Variants in SH3TC2 observed in about 807,000 individuals in gnomAD.
The protein encoded by SH3TC2 is SH3 domain and tetratricopeptide repeat-containing protein 2.
In SH3TC2, 87 loss-of-function variants were observed where a neutral mutation model predicts 124.5. The ratio of observed to expected loss-of-function variants is 0.70; its 90% confidence interval spans 0.59 to 0.84. The LOEUF is 0.84. Ranked by LOEUF, SH3TC2 falls within the 40% of genes least tolerant of loss-of-function variation. The probability of loss-of-function intolerance (pLI) is 0.00; values close to 1 mark genes in which losing one functional copy is unlikely to be tolerated. For missense variants in SH3TC2, 1,536 were observed against 1,566.4 expected, an observed-to-expected ratio of 0.98 and a Z score of 0.33; for synonymous variants, 634 against 628.5, an observed-to-expected ratio of 1.01 and a Z score of -0.13.
At chr5:149,033,040 T>C (rs1406735253) in intron 8 of SH3TC2, among the ~76,000 whole-genome samples, 1 of 152,224 alleles carries the variant, frequency 6.6e-6, no homozygotes, top group Non-Finnish European at 1.5e-5. Context: ...CATTTACTGT[T>C]TATAACAACT....
intron 12 of SH3TC2, among the ~76,000 whole-genome samples, chr5:149,014,571 T>G (rs912871285): frequency 1.3e-5 from 2 of 152,186 alleles, no homozygotes; most frequent in Non-Finnish European, 2.9e-5. Flanking sequence ...TTGGCCCTTG[T>G]AAGAAAGAAA....
chr5:149,029,544 G>T (rs867362894), intron 9 of SH3TC2, among the ~76,000 whole-genome samples: 29 of 152,096 alleles, frequency 1.9e-4, no homozygotes, highest in South Asian at 6.2e-4. Context: ...TGAGGCATCT[G>T]GGGGAAAAGA....
chr5:149,023,965 T>C lies in SH3TC2; in HGVS notation c.3053+2607A>G, dbSNP rs956986506. Among the ~76,000 whole-genome samples, 2 of 152,192 alleles carry C rather than the reference T, an allele frequency of 1.3e-5. 1 individual carries two copies. Among genetic ancestry groups the C allele is most frequent in the Non-Finnish European group, 2.9e-5 (2 of 68,020 alleles). The stretch of plus-strand genomic sequence containing the variant: ...ACTTCACTATATGTAATTTGGTTCT[T>C]TATCAGAGGAGAATCCTTAAGAAAA... On this transcript the variant is annotated intron_variant, in intron 12 of 16. Coordinates refer to ENST00000515425, the MANE Select transcript of SH3TC2 (RefSeq NM_024577.4).
Position 148,993,180 on chromosome 5 carries a change from A to C in SH3TC2, c.*11531T>G, listed in dbSNP as rs1300151842. Among the ~76,000 whole-genome samples, 2 of 152,218 alleles carry C rather than the reference A, an allele frequency of 1.3e-5. No homozygotes were observed. Among genetic ancestry groups the C allele is most frequent in the Non-Finnish European group, 2.9e-5 (2 of 68,034 alleles). Reference sequence around the variant, plus strand: ...TGACAACAGCTAACCTACACAAAGAATGTGTTAATGAGCAAACATTCACAG... The same window carrying C: ...TGACAACAGCTAACCTACACAAAGACTGTGTTAATGAGCAAACATTCACAG... On this transcript the variant is annotated 3_prime_UTR_variant, in exon 17 of 17. Coordinates refer to ENST00000515425, the MANE Select transcript of SH3TC2 (RefSeq NM_024577.4).
At chr5:149,048,044 AAGAGTT>A in intron 2 of SH3TC2, 55 bp from the exon 3 acceptor site, 1 of 1,609,178 alleles carries the variant, frequency 6.2e-7, no homozygotes, top group East Asian at 2.2e-5. Flanking sequence ...AAAAGGAAGA[AAGAGTT>A]AGATTAGCCC....
chr5:149,024,447 C>A (rs1754030800), intron 12 of SH3TC2, among the ~76,000 whole-genome samples: 1 of 152,172 alleles, frequency 6.6e-6, no homozygotes, highest in Non-Finnish European at 1.5e-5. Flanking sequence ...AAGCCCACAA[C>A]TTTAAGAATC....
At chr5:149,040,558 A>T (rs199624068) in intron 7 of SH3TC2, 46 bp downstream of exon 7, 2 of 1,538,442 alleles carry the variant, frequency 1.3e-6, no homozygotes, top group East Asian at 4.5e-5. Flanking sequence ...GAGAGGCAGG[A>T]CAACATTATC....
rs919876894 is a variant in SH3TC2, at chr5:148,994,238, C to T, written c.*10473G>A. On this transcript the variant is annotated 3_prime_UTR_variant, in exon 17 of 17. Coordinates refer to ENST00000515425, the MANE Select transcript of SH3TC2 (RefSeq NM_024577.4). ...AAGCTGCCACTCTCTATCTACAGGA[C>T]TTTGGGTAAGATTAATCTCTTAACC... Among the ~76,000 whole-genome samples, 3 of 152,178 alleles carry T rather than the reference C, an allele frequency of 2.0e-5. No homozygotes were observed. The highest frequency in any genetic ancestry group is 4.4e-5 in the Non-Finnish European group (3 of 68,036).
In SH3TC2 at chr5:149,044,524, G is replaced by C; in HGVS notation, c.385+9C>G. On this transcript the variant is annotated intron_variant, in intron 4 of 16. Transcript: ENST00000515425. ...AGGTCATCCTCCACCTGCTTGCCTTGTACCATACCTAAATTAAGGTAGGTG... is the reference window on the plus strand; with the variant it reads ...AGGTCATCCTCCACCTGCTTGCCTTCTACCATACCTAAATTAAGGTAGGTG... 1 of 1,608,954 alleles carries C rather than the reference G, an allele frequency of 6.2e-7. No individual in the cohort carries two copies. Among genetic ancestry groups the C allele is most frequent in the Non-Finnish European group, 8.5e-7 (1 of 1,175,452 alleles).
At position 148,993,783 on chromosome 5, in the gene SH3TC2, A is replaced by T. The variant is rs1003038627; in HGVS notation, c.*10928T>A. 1.3e-5 allele frequency among the ~76,000 whole-genome samples: 2 copies of T among 152,202 alleles called. No homozygotes were observed. The highest frequency in any genetic ancestry group is 1.3e-4 in the Admixed American group (2 of 15,276). On this transcript the variant is annotated 3_prime_UTR_variant, in exon 17 of 17. Coordinates refer to ENST00000515425, the MANE Select transcript of SH3TC2 (RefSeq NM_024577.4). The stretch of plus-strand genomic sequence containing the variant: ...TTGAATAGCCAAGCATCTAGCCCAG[A>T]TTACATTCCTCTAAGCATGCCTTAA...
At chr5:149,032,010 G>C (rs989413001) in intron 8 of SH3TC2, among the ~76,000 whole-genome samples, 2 of 152,128 alleles carry the variant, frequency 1.3e-5, no homozygotes, top group African/African-American at 4.8e-5. Context: ...CATTCTTTGA[G>C]ACACCATGGT....
intron 8 of SH3TC2, among the ~76,000 whole-genome samples, chr5:149,033,212 C>A (rs925775055): frequency 2.0e-5 from 3 of 152,098 alleles, no homozygotes; most frequent in African/African-American, 7.2e-5. Flanking sequence ...CTGCTAAAGT[C>A]CTGAGTTCCA....
At position 149,041,740 on chromosome 5, in the gene SH3TC2, G is replaced by A. The variant is rs149335075; in HGVS notation, c.530-123C>T. ...TTTTCTTCCTGGAAGTAAAGTAGAC[G>A]TTTCACAGGGGAGACACTAAAAGAG... On this transcript the variant is annotated intron_variant, in intron 5 of 16. Coordinates refer to ENST00000515425, the MANE Select transcript of SH3TC2 (RefSeq NM_024577.4). The A allele has an allele frequency of 5.1e-4, 530 of 1,041,336 alleles. 4 individuals are homozygous for A. The African/African-American group carries it at 7.4e-3, about 14-fold the overall frequency. The allele number at this position is 1,041,336 out of a possible 1,614,324, so 64.5% of individuals were successfully genotyped here. A position where few individuals can be genotyped will look rare whatever the true frequency, so the allele number is the denominator to read the frequency against.
At position 149,028,886 on chromosome 5, in the gene SH3TC2, G is replaced by C. The variant is rs185728654; in HGVS notation, c.1136-168C>G. 3.3e-5 allele frequency among the ~76,000 whole-genome samples: 5 copies of C among 152,252 alleles called. No homozygotes were observed. In the East Asian group the frequency reaches 9.7e-4, roughly 29 times the overall value. ...TATCCTTTCACCCATCATCTTAAGAGCTGTAGGGGCCTAATCATCTTGTTT... is the reference window on the plus strand; with the variant it reads ...TATCCTTTCACCCATCATCTTAAGACCTGTAGGGGCCTAATCATCTTGTTT... On this transcript the variant is annotated intron_variant, in intron 9 of 16. Coordinates refer to ENST00000515425, the MANE Select transcript of SH3TC2 (RefSeq NM_024577.4).
Position 148,985,782 on chromosome 5 carries a change from A to G in SH3TC2, c.*18929T>C, listed in dbSNP as rs894933640. Among the ~76,000 whole-genome samples the G allele has an allele frequency of 8.5e-5, 13 of 152,326 alleles. No homozygotes were observed. In the East Asian group the frequency reaches 2.5e-3, roughly 29 times the overall value. ...TGTTTAATTTATAAGAAACTATCAAAGCATTTTCCAAAACAGCTGTTTCAT... is the reference window on the plus strand; with the variant it reads ...TGTTTAATTTATAAGAAACTATCAAGGCATTTTCCAAAACAGCTGTTTCAT... On this transcript the variant is annotated 3_prime_UTR_variant, in exon 17 of 17. Transcript: ENST00000515425.
rs1486552196 is a variant in SH3TC2 at position 148,985,954 on chromosome 5, C to G, written c.*18757G>C. 6.6e-6 allele frequency among the ~76,000 whole-genome samples: 1 copy of G among 152,102 alleles called. No homozygotes were observed. The highest frequency in any genetic ancestry group is 1.5e-5 in the Non-Finnish European group (1 of 68,024). ...AGCAAAGTAACCTATAGATACCACT[C>G]GATCATTTTTCTGACATGAGACTTA... On this transcript the variant is annotated 3_prime_UTR_variant, in exon 17 of 17. Coordinates refer to ENST00000515425, the MANE Select transcript of SH3TC2 (RefSeq NM_024577.4).
rs1753294960 is a variant in SH3TC2 at position 148,984,049 on chromosome 5, ACTT to A, written c.*20659_*20661del. 6.6e-6 allele frequency among the ~76,000 whole-genome samples: 1 copy of A among 152,140 alleles called. No homozygotes were observed. Among genetic ancestry groups the A allele is most frequent in the Non-Finnish European group, 1.5e-5 (1 of 68,024 alleles). ...TCAAAGTGAAAAGAACCTGCATACA[ACTT>A]CTTGTACATGAATATTGATATCACT... On this transcript the variant is annotated 3_prime_UTR_variant, in exon 17 of 17. Transcript: ENST00000515425.
At chr5:149,040,882 C>T (rs184524137) in intron 6 of SH3TC2, among the ~76,000 whole-genome samples, 120 of 152,204 alleles carry the variant, frequency 7.9e-4, no homozygotes, top group Non-Finnish European at 1.1e-3. Context: ...TTTGTGGCTC[C>T]GAAAGTAGTT....
intron 1 of SH3TC2, among the ~76,000 whole-genome samples, chr5:149,055,005 T>C (rs1754617627): frequency 1.3e-5 from 2 of 152,172 alleles, no homozygotes; most frequent in South Asian, 2.1e-4. Context: ...AAATGTGATA[T>C]GTGAACTGTC....
Sources: allele counts gnomAD v4.1 joint callset (sites outside exome capture counted in the v4.1 genomes callset), GRCh38; gene constraint gnomAD v4.1.1; transcripts MANE v1.5; gene names NCBI Gene and HGNC (gene_info 2026-07-23, HGNC 2026-07-21).